The following SCUBE1 variants were observed in gnomAD, a reference collection of about 807,000 sequenced individuals.
SCUBE1 encodes the protein signal peptide, CUB and EGF-like domain-containing protein 1.
Under a neutral mutation model 124.4 loss-of-function variants are expected in SCUBE1, and 59 were observed. The observed-to-expected ratio is 0.47, with a 90% CI of 0.38 to 0.59. The LOEUF is 0.59. SCUBE1 is among the 20% of genes least tolerant of loss of function. SCUBE1 has a pLI of 0.00. For synonymous variants in SCUBE1, 545 were observed against 550.9 expected (o/e 0.99, Z 0.15); for missense variants, 1,150 against 1,371.2 (o/e 0.84, Z 2.55).
In SCUBE1 at chr22:43,203,947, G is replaced by C; in HGVS notation, c.*50C>G. The C allele has an allele frequency of 6.3e-6, 10 of 1,592,476 alleles. No homozygotes were observed. In the East Asian group the frequency reaches 2.2e-4, roughly 36 times the overall value. On this transcript the variant is annotated 3_prime_UTR_variant, in exon 22 of 22. Coordinates refer to ENST00000360835, the MANE Select transcript of SCUBE1 (RefSeq NM_173050.5). ...ATGCAGCTCCCACTGTGGAGGGCAGGTGCACCCTCCGCGGACCAGGCCACC... is the reference window on the plus strand; with the variant it reads ...ATGCAGCTCCCACTGTGGAGGGCAGCTGCACCCTCCGCGGACCAGGCCACC...
chr22:43,287,979 C>A (rs1185402490), intron 4 of SCUBE1, among the ~76,000 whole-genome samples: 1 of 152,216 alleles, frequency 6.6e-6, no homozygotes, highest in Non-Finnish European at 1.5e-5. Flanking sequence ...GCTTGCTCTG[C>A]CCTCTTCAGG....
intron 3 of SCUBE1, among the ~76,000 whole-genome samples, chr22:43,318,923 T>C (rs1203248350): frequency 4.6e-5 from 7 of 152,088 alleles, no homozygotes; most frequent in Admixed American, 3.9e-4. Flanking sequence ...GGTTTTGCCA[T>C]GTTGGTCAGG....
chr22:43,216,470 T>C (rs940641897), intron 15 of SCUBE1, among the ~76,000 whole-genome samples: 2 of 150,968 alleles, frequency 1.3e-5, no homozygotes, highest in Admixed American at 6.6e-5. Context: ...CTGGCCAACA[T>C]AGTGAAACCC....
intron 5 of SCUBE1, among the ~76,000 whole-genome samples, chr22:43,259,626 C>T (rs996893686): frequency 6.6e-6 from 1 of 152,178 alleles, no homozygotes; most frequent in African/African-American, 2.4e-5. Flanking sequence ...AGTGATGGGG[C>T]ACCTCAGCCT....
At chr22:43,314,961 C>T (rs1394731501) in intron 3 of SCUBE1, among the ~76,000 whole-genome samples, 3 of 152,134 alleles carry the variant, frequency 2.0e-5, no homozygotes, top group African/African-American at 7.2e-5. Flanking sequence ...GTCCCAAGTC[C>T]CGCAAACGTC....
chr22:43,263,350 G>C (rs1489491784), intron 4 of SCUBE1, among the ~76,000 whole-genome samples: 1 of 152,158 alleles, frequency 6.6e-6, no homozygotes, highest in Non-Finnish European at 1.5e-5. Flanking sequence ...GGCGTTTCTA[G>C]AATTTATGAG....
At chr22:43,302,573 T>A (rs1925815304) in intron 3 of SCUBE1, among the ~76,000 whole-genome samples, 1 of 152,166 alleles carries the variant, frequency 6.6e-6, no homozygotes, top group Admixed American at 6.5e-5. Flanking sequence ...GGGCAGTAGC[T>A]GTTTTGTAAA....
rs563224161 is a variant in SCUBE1 at position 43,230,039 on chromosome 22, A to T, written c.968-851T>A. ...TATACGCGTATTTATAAAACCACTA[A>T]CACAAGGAAGAAATTGTGCATGGTG... On this transcript the variant is annotated intron_variant, in intron 8 of 21. Transcript: ENST00000360835. Among the ~76,000 whole-genome samples the T allele has an allele frequency of 5.3e-5, 8 of 152,334 alleles. No homozygotes were observed. The South Asian group carries it at 1.5e-3, about 28-fold the overall frequency.
chr22:43,278,034 C>T (rs537097605), intron 4 of SCUBE1, among the ~76,000 whole-genome samples: 65 of 152,350 alleles, frequency 4.3e-4, no homozygotes, highest in African/African-American at 1.3e-3. Flanking sequence ...GTGCCCCTGG[C>T]GCCGGCTCAA....
At position 43,198,645 on chromosome 22, in the gene SCUBE1, A is replaced by AG; in HGVS notation, c.*5351dup. 2.2e-6 allele frequency: 1 copy of AG among 456,704 alleles called. No individual in the cohort carries two copies. Among genetic ancestry groups the AG allele is most frequent in the South Asian group, 1.5e-5 (1 of 64,574 alleles). The allele number at this position is 456,704 out of a possible 1,614,324, so 28.3% of individuals were successfully genotyped here. Reference sequence around the variant, plus strand: ...GACACCTTGTGCATCTTTGGTGAAAAGGGACCTCAATGTCAGGTGCAGTTT... The same window carrying AG: ...GACACCTTGTGCATCTTTGGTGAAAAGGGGACCTCAATGTCAGGTGCAGTTT... On this transcript the variant is annotated 3_prime_UTR_variant, in exon 22 of 22. Transcript: ENST00000360835.
chr22:43,293,644 C>T (rs1925454682), intron 3 of SCUBE1, among the ~76,000 whole-genome samples: 1 of 152,242 alleles, frequency 6.6e-6, no homozygotes, highest in Non-Finnish European at 1.5e-5. Flanking sequence ...GAGAACTGTG[C>T]TGGCATACAC....
intron 6 of SCUBE1, among the ~76,000 whole-genome samples, chr22:43,250,986 T>C (rs11912855): frequency 6.6e-6 from 1 of 152,326 alleles, no homozygotes; most frequent in Non-Finnish European, 1.5e-5. Flanking sequence ...ACTGGCTATG[T>C]GGCCTCCCTT....
At position 43,198,272 on chromosome 22, in the gene SCUBE1, G is replaced by T; in HGVS notation, c.*5725C>A. The T allele has an allele frequency of 3.3e-6, 1 of 303,166 alleles. No homozygotes were observed. 18.8% of individuals were successfully genotyped at this position (303,166 alleles called of 1,614,324 possible). ...TGGGGGGTGCAGACAATTCCAGGGG[G>T]CTCACTCAGGGGCTCTGAGTGGCAT... On this transcript the variant is annotated 3_prime_UTR_variant, in exon 22 of 22. Transcript: ENST00000360835.
At chr22:43,289,095 C>T (rs1242833821) in intron 4 of SCUBE1, among the ~76,000 whole-genome samples, 2 of 152,224 alleles carry the variant, frequency 1.3e-5, no homozygotes, top group Non-Finnish European at 2.9e-5. Context: ...AGCCGGGCTT[C>T]AAAGGAACAG....
intron 19 of SCUBE1, among the ~76,000 whole-genome samples, chr22:43,209,540 G>A (rs1156861804): frequency 2.0e-5 from 3 of 152,192 alleles, no homozygotes; most frequent in Admixed American, 6.5e-5. Context: ...GAGCCCTGAC[G>A]GGGGCGGATG....
intron 5 of SCUBE1, among the ~76,000 whole-genome samples, chr22:43,261,078 G>A (rs545806674): frequency 6.6e-6 from 1 of 152,254 alleles, no homozygotes; most frequent in Non-Finnish European, 1.5e-5. Flanking sequence ...TCTGGCCAGG[G>A]CTATCCACAA....
In SCUBE1 at chr22:43,338,995, G is replaced by A. The variant is rs569157554; in HGVS notation, c.220+109C>T. On this transcript the variant is annotated intron_variant, in intron 2 of 21. Transcript: ENST00000360835. ...GCCTGTGCTGTCAGCAACCACAATG[G>A]TGGTGCTGGAGGCTCAGCCCCAGCT... 13 of 1,293,632 alleles carry A rather than the reference G, an allele frequency of 1.0e-5. No homozygotes were observed. The South Asian group carries it at 1.4e-4, about 13-fold the overall frequency. 80.1% of individuals were successfully genotyped at this position (1,293,632 alleles called of 1,614,324 possible). A position where few individuals can be genotyped will look rare whatever the true frequency, so the allele number is the denominator to read the frequency against.
chr22:43,251,323 C>A (rs918793311), intron 6 of SCUBE1, among the ~76,000 whole-genome samples: 1 of 152,150 alleles, frequency 6.6e-6, no homozygotes, highest in African/African-American at 2.4e-5. Flanking sequence ...GTGGGCTCTG[C>A]CCTAACGGAG....
intron 3 of SCUBE1, 62 bp from the exon 4 acceptor site, chr22:43,291,242 G>T (rs1184280468): frequency 9.0e-6 from 14 of 1,556,920 alleles, no homozygotes; most frequent in Non-Finnish European, 1.1e-5. Context: ...AGGGCATGAG[G>T]GGCTGGCGGG....
Sources: allele counts gnomAD v4.1 joint callset (sites outside exome capture counted in the v4.1 genomes callset), GRCh38; gene constraint gnomAD v4.1.1; transcripts MANE v1.5; gene names NCBI Gene and HGNC (gene_info 2026-07-23, HGNC 2026-07-21).